The following LRRTM4 variants were observed in gnomAD, a reference collection of about 807,000 sequenced individuals.
LRRTM4 encodes leucine-rich repeat transmembrane neuronal protein 4.
A neutral mutation model predicts 47.6 loss-of-function variants in LRRTM4; 25 were observed. That is an observed-to-expected ratio of 0.53 (90% confidence interval 0.38 to 0.73). The LOEUF (loss-of-function observed/expected upper bound fraction) is 0.73, where lower values mean the gene tolerates loss of function less well. Among genes scored for constraint, LRRTM4 ranks in the 30% least tolerant of loss-of-function variants. The pLI, the probability that LRRTM4 is intolerant of heterozygous loss-of-function variation, is 0.00. For synonymous variants in LRRTM4, 311 were observed against 269.5 expected, an observed-to-expected ratio of 1.15 and a Z score of -1.51; for missense variants, 638 against 713.4, an observed-to-expected ratio of 0.89 and a Z score of 1.20.
intron 3 of LRRTM4, among the ~76,000 whole-genome samples, chr2:77,247,242 T>A (rs1255381684): frequency 6.6e-6 from 1 of 152,092 alleles, no homozygotes; most frequent in Non-Finnish European, 1.5e-5. Flanking sequence ...TAATAAGATA[T>A]GAATAACTAT....
intron 3 of LRRTM4, among the ~76,000 whole-genome samples, chr2:76,947,872 CA>C (rs1360134523): frequency 1.3e-5 from 2 of 151,736 alleles, no homozygotes; most frequent in Non-Finnish European, 1.5e-5. Context: ...AGAGCCCAAG[CA>C]AAAGAAAGAA....
At chr2:77,074,456 T>C (rs4455181) in intron 3 of LRRTM4, among the ~76,000 whole-genome samples, 60,776 of 151,760 alleles carry the variant, frequency 0.4, 14,230 homozygotes, top group East Asian at 0.68. Flanking sequence ...TTCTGTGTCC[T>C]CTACTGCTTG....
intron 3 of LRRTM4, among the ~76,000 whole-genome samples, chr2:76,812,729 TCTCCTCCTC>T (rs991106349): frequency 8.2e-6 from 1 of 121,426 alleles, no homozygotes; most frequent in Non-Finnish European, 1.7e-5. Context: ...TTTCTCTTTT[TCTCCTCCTC>T]CTCCTCCTCT....
intron 3 of LRRTM4, among the ~76,000 whole-genome samples, chr2:76,847,589 A>G (rs1380461570): frequency 1.3e-5 from 2 of 151,950 alleles, no homozygotes; most frequent in African/African-American, 4.8e-5. Flanking sequence ...TTATCTTTTG[A>G]ATTATTTTTA....
At chr2:76,827,686 G>A (rs1374961051) in intron 3 of LRRTM4, among the ~76,000 whole-genome samples, 4 of 151,842 alleles carry the variant, frequency 2.6e-5, no homozygotes, top group Non-Finnish European at 4.4e-5. Context: ...TTCTTAAATT[G>A]TGTTTAAGGT....
chr2:77,245,362 A>G (rs1192262785), intron 3 of LRRTM4, among the ~76,000 whole-genome samples: 1 of 151,822 alleles, frequency 6.6e-6, no homozygotes, highest in Non-Finnish European at 1.5e-5. Context: ...TCCTGGGCAA[A>G]ATAGTGAAAC....
intron 3 of LRRTM4, among the ~76,000 whole-genome samples, chr2:77,193,803 C>G (rs1315106997): frequency 6.6e-6 from 1 of 152,122 alleles, no homozygotes; most frequent in African/African-American, 2.4e-5. Context: ...ATTTTTCAGT[C>G]ACCATGTGCA....
intron 3 of LRRTM4, among the ~76,000 whole-genome samples, chr2:77,229,859 A>G (rs1041735740): frequency 2.6e-5 from 4 of 152,106 alleles, no homozygotes; most frequent in Non-Finnish European, 4.4e-5. Flanking sequence ...ATATCACTTT[A>G]TTAGAATTGT....
chr2:77,521,140 G>A lies in LRRTM4; in HGVS notation c.4+528C>T, dbSNP rs138316913. ...TCCAGCTCTCCCAGACAGGAGAAAG[G>A]GGGGGAAAAAAGCCAGTCACACTCG... On this transcript the variant is annotated intron_variant, in intron 2 of 3. Coordinates refer to ENST00000409884, the MANE Select transcript of LRRTM4 (RefSeq NM_001134745.3). Among the ~76,000 whole-genome samples, 423 of 151,928 alleles carry A rather than the reference G, an allele frequency of 2.8e-3. 3 individuals carry two copies. The highest frequency in any genetic ancestry group is 9.9e-3 in the African/African-American group (410 of 41,460).
At chr2:77,263,784 C>T (rs1414566446) in intron 3 of LRRTM4, among the ~76,000 whole-genome samples, 6 of 151,982 alleles carry the variant, frequency 3.9e-5, no homozygotes, top group Non-Finnish European at 1.5e-5. Flanking sequence ...TGCTTTTTCT[C>T]TCTTCCCCTA....
At chr2:77,441,928 T>C (rs1271602276) in intron 3 of LRRTM4, among the ~76,000 whole-genome samples, 1 of 152,156 alleles carries the variant, frequency 6.6e-6, no homozygotes, top group Non-Finnish European at 1.5e-5. Context: ...TTCTGCCAAA[T>C]ATAAATCAAC....
At chr2:76,929,938 TG>T (rs1431977449) in intron 3 of LRRTM4, among the ~76,000 whole-genome samples, 2 of 136,608 alleles carry the variant, frequency 1.5e-5, no homozygotes, top group African/African-American at 3.2e-5. Context: ...TGTGTGTGTG[TG>T]TGTGTGTGTG....
intron 3 of LRRTM4, among the ~76,000 whole-genome samples, chr2:77,120,584 T>A (rs1424759242): frequency 6.6e-6 from 1 of 151,872 alleles, no homozygotes; most frequent in Non-Finnish European, 1.5e-5. Context: ...ATTTTCTAGG[T>A]CACTAAAGTA....
chr2:77,359,549 T>C (rs1374542807), intron 3 of LRRTM4, among the ~76,000 whole-genome samples: 1 of 152,228 alleles, frequency 6.6e-6, no homozygotes, highest in Non-Finnish European at 1.5e-5. Context: ...CTTTACTGCA[T>C]AGTACACTTA....
intron 3 of LRRTM4, among the ~76,000 whole-genome samples, chr2:76,829,042 A>T (rs116651335): frequency 6.6e-6 from 1 of 151,914 alleles, no homozygotes; most frequent in African/African-American, 2.4e-5. Context: ...GACCAGGGGT[A>T]TGGAACCAAG....
Position 77,004,662 on chromosome 2 carries a change from C to T in LRRTM4, c.1552-255746G>A, listed in dbSNP as rs13427261. On this transcript the variant is annotated intron_variant, in intron 3 of 3. Transcript: ENST00000409884. The stretch of plus-strand genomic sequence containing the variant: ...ATTGGATCTGTGAGAATGGGGCCAC[C>T]GTCCTCCAGACCCTAGAATGGTAGA... Among the ~76,000 whole-genome samples the T allele has an allele frequency of 8.7e-3, 1,330 of 152,206 alleles. 18 individuals are homozygous for T. Among genetic ancestry groups the T allele is most frequent in the African/African-American group, 0.028 (1,167 of 41,534 alleles).
At chr2:77,514,291 A>G (rs971984769) in intron 3 of LRRTM4, among the ~76,000 whole-genome samples, 3 of 152,044 alleles carry the variant, frequency 2.0e-5, no homozygotes, top group African/African-American at 7.2e-5. Context: ...TTATATATAC[A>G]TTATGCTTAG....
chr2:77,061,753 A>T (rs1679792973), intron 3 of LRRTM4, among the ~76,000 whole-genome samples: 1 of 152,184 alleles, frequency 6.6e-6, no homozygotes, highest in Admixed American at 6.5e-5. Flanking sequence ...AAATTCTATG[A>T]AACTATGATT....
At chr2:76,807,949 C>CTTTCTT (rs1553412843) in intron 3 of LRRTM4, among the ~76,000 whole-genome samples, 16,316 of 139,662 alleles carry the variant, frequency 0.12, 1,126 homozygotes, top group African/African-American at 0.21. Flanking sequence ...TTCTTTCTTT[C>CTTTCTT]TTTCTTTTTC....
Sources: gnomAD v4.1 joint callset for allele counts (sites outside exome capture counted in the v4.1 genomes callset) on GRCh38, gnomAD v4.1.1 for gene constraint, MANE v1.5 for transcripts, NCBI Gene and HGNC (gene_info 2026-07-23, HGNC 2026-07-21) for gene names.